KCNJ6: variants seen among roughly 807,000 people sequenced by gnomAD.
The protein encoded by KCNJ6 is potassium inwardly rectifying channel subfamily J member 6, also known as G protein-activated inward rectifier potassium channel 2.
A neutral mutation model predicts 34.2 loss-of-function variants in KCNJ6; 9 were observed. The observed-to-expected ratio is 0.26, with a 90% CI of 0.16 to 0.46. The LOEUF is 0.46. KCNJ6 is among the 20% of genes least tolerant of loss of function. The pLI is 1.00. For synonymous variants in KCNJ6, 196 were observed against 207.1 expected, an observed-to-expected ratio of 0.95 and a Z score of 0.46; for missense variants, 236 against 531.3, an observed-to-expected ratio of 0.44 and a Z score of 5.46.
intron 2 of KCNJ6, among the ~76,000 whole-genome samples, chr21:37,832,914 G>A (rs951061451): frequency 2.0e-5 from 3 of 152,112 alleles, no homozygotes; most frequent in South Asian, 2.1e-4. Context: ...CAATTCTGTC[G>A]CCCCTTTCCA....
At chr21:37,800,978 G>GA (rs1160454781) in intron 2 of KCNJ6, among the ~76,000 whole-genome samples, 1 of 152,204 alleles carries the variant, frequency 6.6e-6, no homozygotes, top group Admixed American at 6.5e-5. Context: ...GAGAGGTAGG[G>GA]AAGACGGATG....
Position 37,891,180 on chromosome 21 carries a change from TC to T in KCNJ6, c.-28+24703del, listed in dbSNP as rs1406736455. Reference sequence around the variant, plus strand: ...TAGGATACTTTCACAGGTGGGCCTCTCAGCTGTGTGCTGGATGGATGAAAGG... The same window carrying T: ...TAGGATACTTTCACAGGTGGGCCTCTAGCTGTGTGCTGGATGGATGAAAGG... On this transcript the variant is annotated intron_variant, in intron 1 of 3. Coordinates refer to ENST00000609713, the MANE Select transcript of KCNJ6 (RefSeq NM_002240.5). Among the ~76,000 whole-genome samples, 3 of 152,122 alleles carry T rather than the reference TC, an allele frequency of 2.0e-5. No individual in the cohort carries two copies. The East Asian group carries it at 5.8e-4, about 29-fold the overall frequency.
intron 2 of KCNJ6, among the ~76,000 whole-genome samples, chr21:37,814,180 T>C (rs940592815): frequency 6.6e-6 from 1 of 152,204 alleles, no homozygotes; most frequent in African/African-American, 2.4e-5. Flanking sequence ...GATCATCAAA[T>C]AAATGCATAT....
chr21:37,649,665 G>A (rs911133640), intron 3 of KCNJ6, among the ~76,000 whole-genome samples: 1 of 152,222 alleles, frequency 6.6e-6, no homozygotes, highest in African/African-American at 2.4e-5. Context: ...CCTGGGTTCT[G>A]ATCTAGCCAC....
chr21:37,646,295 G>A (rs543848770), intron 3 of KCNJ6, among the ~76,000 whole-genome samples: 21 of 152,216 alleles, frequency 1.4e-4, no homozygotes, highest in African/African-American at 5.1e-4. Context: ...CCCCCACCAC[G>A]CTACATCCCT....
rs565854214 is a variant in KCNJ6 at position 37,699,790 on chromosome 21, G to C, written c.946+14421C>G. Among the ~76,000 whole-genome samples, 8 of 152,332 alleles carry C rather than the reference G, an allele frequency of 5.3e-5. No individual in the cohort carries two copies. In the South Asian group the frequency reaches 1.7e-3, roughly 32 times the overall value. ...TTTGGATGTCCGCTTTAAACTCTCTGTATTTATGTCAGATGGAGTTTATAA... is the reference window on the plus strand; with the variant it reads ...TTTGGATGTCCGCTTTAAACTCTCTCTATTTATGTCAGATGGAGTTTATAA... On this transcript the variant is annotated intron_variant, in intron 3 of 3. Coordinates refer to ENST00000609713, the MANE Select transcript of KCNJ6 (RefSeq NM_002240.5).
At chr21:37,773,283 G>A (rs1386774166) in intron 2 of KCNJ6, among the ~76,000 whole-genome samples, 1 of 152,152 alleles carries the variant, frequency 6.6e-6, no homozygotes, top group African/African-American at 2.4e-5. Flanking sequence ...GTAGCATGCT[G>A]GGTTCCAGCC....
chr21:37,692,750 C>G (rs1273185560), intron 3 of KCNJ6, among the ~76,000 whole-genome samples: 1 of 152,204 alleles, frequency 6.6e-6, no homozygotes, highest in African/African-American at 2.4e-5. Flanking sequence ...CTCTAACAAA[C>G]AAAATGTTTC....
chr21:37,694,080 C>T (rs1223542464), intron 3 of KCNJ6, among the ~76,000 whole-genome samples: 5 of 152,144 alleles, frequency 3.3e-5, no homozygotes, highest in Non-Finnish European at 7.3e-5. Flanking sequence ...GCCAGAGGGG[C>T]GTGGGAAGTA....
intron 2 of KCNJ6, among the ~76,000 whole-genome samples, chr21:37,828,324 G>A (rs1360521252): frequency 6.6e-6 from 1 of 152,176 alleles, no homozygotes; most frequent in Non-Finnish European, 1.5e-5. Context: ...CATCGAGGAG[G>A]TGGCTTTCTC....
At chr21:37,781,575 C>A (rs2055169634) in intron 2 of KCNJ6, among the ~76,000 whole-genome samples, 1 of 152,156 alleles carries the variant, frequency 6.6e-6, no homozygotes, top group Non-Finnish European at 1.5e-5. Flanking sequence ...ATGATAGCAA[C>A]ATGCCTCTAA....
At chr21:37,683,454 C>T (rs1166478597) in intron 3 of KCNJ6, among the ~76,000 whole-genome samples, 5 of 152,164 alleles carry the variant, frequency 3.3e-5, no homozygotes, top group African/African-American at 4.8e-5. Flanking sequence ...TCCCTTCTCC[C>T]CTCCTCCTCC....
rs1407733799 is a variant in KCNJ6, at chr21:37,607,526, C to G, written c.*17633G>C. 6.9e-6 allele frequency: 1 copy of G among 145,224 alleles called. No individual in the cohort carries two copies. Among genetic ancestry groups the G allele is most frequent in the African/African-American group, 2.6e-5 (1 of 39,212 alleles). 9.0% of individuals were successfully genotyped at this position (145,224 alleles called of 1,614,324 possible). A position where few individuals can be genotyped will look rare whatever the true frequency, so the allele number is the denominator to read the frequency against. On this transcript the variant is annotated 3_prime_UTR_variant, in exon 4 of 4. Transcript: ENST00000609713. ...AAAATTTGGCATTGTAGTGATTTCT[C>G]AATACATAATTTGTGCTTTCGCATT...
intron 1 of KCNJ6, among the ~76,000 whole-genome samples, chr21:37,847,788 G>A (rs1601499612): frequency 6.8e-6 from 1 of 148,024 alleles, no homozygotes. Flanking sequence ...GGGAGGGGGA[G>A]AAGGAGGGGG....
rs960808023 is a variant in KCNJ6 at position 37,622,646 on chromosome 21, C to T, written c.*2513G>A. 3.9e-5 allele frequency: 6 copies of T among 152,156 alleles called. No individual in the cohort carries two copies. The highest frequency in any genetic ancestry group is 2.1e-4 in the South Asian group (1 of 4,820). The allele number at this position is 152,156 out of a possible 1,614,324, so 9.4% of individuals were successfully genotyped here. A position where few individuals can be genotyped will look rare whatever the true frequency, so the allele number is the denominator to read the frequency against. On this transcript the variant is annotated 3_prime_UTR_variant, in exon 4 of 4. Transcript: ENST00000609713. ...AAAGACAGTGAGAAACAGGGAGAGA[C>T]CTCACATCTGGGTGCCCGTCACAGA...
intron 3 of KCNJ6, among the ~76,000 whole-genome samples, chr21:37,635,883 A>T (rs2054355680): frequency 1.3e-5 from 2 of 152,260 alleles, no homozygotes; most frequent in Non-Finnish European, 2.9e-5. Context: ...GTACTTATCA[A>T]GTACTATATT....
intron 1 of KCNJ6, among the ~76,000 whole-genome samples, chr21:37,902,274 C>T (rs952517564): frequency 6.6e-6 from 1 of 152,196 alleles, no homozygotes; most frequent in African/African-American, 2.4e-5. Flanking sequence ...CAAATTTATT[C>T]CTTCTCCTCC....
chr21:37,914,008 G>GGGGGGTGTGT (rs760597650), intron 1 of KCNJ6, among the ~76,000 whole-genome samples: 4 of 135,480 alleles, frequency 3.0e-5, no homozygotes, highest in East Asian at 2.4e-4. Context: ...GGCGGATCGG[G>GGGGGGTGTGT]GTGTGTGTGT....
At chr21:37,915,088 T>C (rs1040079544) in intron 1 of KCNJ6, among the ~76,000 whole-genome samples, 4 of 152,166 alleles carry the variant, frequency 2.6e-5, no homozygotes, top group South Asian at 4.1e-4. Context: ...TACCTGTGGA[T>C]CCACTGGGCT....
Sources: gnomAD v4.1 joint callset for allele counts (sites outside exome capture counted in the v4.1 genomes callset) on GRCh38, gnomAD v4.1.1 for gene constraint, MANE v1.5 for transcripts, NCBI Gene and HGNC (gene_info 2026-07-23, HGNC 2026-07-21) for gene names.